RBMS3: variants seen among roughly 807,000 people sequenced by gnomAD.
RBMS3 encodes the protein RNA-binding motif, single-stranded-interacting protein 3.
In RBMS3, 27 loss-of-function variants were observed where a neutral mutation model predicts 66.8. That is an observed-to-expected ratio of 0.40 (90% CI 0.30 to 0.56). RBMS3 has a LOEUF of 0.56. Among genes scored for constraint, RBMS3 ranks in the 20% least tolerant of loss-of-function variants. RBMS3 has a pLI of 0.40. For synonymous variants in RBMS3, 188 were observed against 183.0 expected, an observed-to-expected ratio of 1.03 and a Z score of -0.22; for missense variants, 513 against 549.5, an observed-to-expected ratio of 0.93 and a Z score of 0.66.
At chr3:29,548,257 ACT>A (rs1407940186) in intron 3 of RBMS3, among the ~76,000 whole-genome samples, 1 of 151,576 alleles carries the variant, frequency 6.6e-6, no homozygotes, top group Non-Finnish European at 1.5e-5. Flanking sequence ...GAGACGCTTG[ACT>A]CTACAAAATA....
At position 29,985,292 on chromosome 3, in the gene RBMS3, G is replaced by A. The variant is rs539920557; in HGVS notation, c.1099-2851G>A. ...GCTGTGCTGGCAGCAAGAATTTCATGCCAGTGGATCTTAGCTTGCTGGGCT... is the reference window on the plus strand; with the variant it reads ...GCTGTGCTGGCAGCAAGAATTTCATACCAGTGGATCTTAGCTTGCTGGGCT... On this transcript the variant is annotated intron_variant, in intron 12 of 14. Coordinates refer to ENST00000383767, the MANE Select transcript of RBMS3 (RefSeq NM_001003793.3). Among the ~76,000 whole-genome samples the A allele has an allele frequency of 3.3e-5, 5 of 152,176 alleles. No homozygotes were observed. In the South Asian group the frequency reaches 6.2e-4, roughly 19 times the overall value.
chr3:29,825,818 C>G (rs539061622), intron 6 of RBMS3, among the ~76,000 whole-genome samples: 7 of 152,170 alleles, frequency 4.6e-5, no homozygotes, highest in Admixed American at 1.3e-4. Flanking sequence ...AGGTCATTTA[C>G]TTAGCTATTC....
At chr3:29,459,475 C>A (rs930599676) in intron 2 of RBMS3, among the ~76,000 whole-genome samples, 3 of 152,126 alleles carry the variant, frequency 2.0e-5, no homozygotes, top group Non-Finnish European at 4.4e-5. Context: ...GTTTAACATT[C>A]CATAAGGACA....
intron 1 of RBMS3, among the ~76,000 whole-genome samples, chr3:29,317,432 T>C (rs1161865453): frequency 6.6e-6 from 1 of 151,716 alleles, no homozygotes; most frequent in Non-Finnish European, 1.5e-5. Context: ...AATCTGTAGA[T>C]GAAAATCTCA....
At chr3:29,400,014 A>G (rs2039736541) in intron 1 of RBMS3, among the ~76,000 whole-genome samples, 1 of 152,106 alleles carries the variant, frequency 6.6e-6, no homozygotes, top group African/African-American at 2.4e-5. Context: ...GAGCAAAAGT[A>G]TGGTAAAGGT....
At chr3:29,840,702 G>C (rs1191595173) in intron 6 of RBMS3, among the ~76,000 whole-genome samples, 1 of 151,886 alleles carries the variant, frequency 6.6e-6, no homozygotes, top group Non-Finnish European at 1.5e-5. Context: ...TTTTATTTTT[G>C]TACCTAGACA....
At chr3:29,896,503 T>C (rs568717079) in intron 8 of RBMS3, among the ~76,000 whole-genome samples, 1 of 151,746 alleles carries the variant, frequency 6.6e-6, no homozygotes, top group East Asian at 2.0e-4. Flanking sequence ...CAACCTGGTT[T>C]TGTCTGTTCT....
At chr3:29,380,201 G>A (rs1575663074) in intron 1 of RBMS3, among the ~76,000 whole-genome samples, 1 of 131,138 alleles carries the variant, frequency 7.6e-6, no homozygotes, top group East Asian at 2.4e-4. Flanking sequence ...TAGGTATTTA[G>A]TAGGGGAATC....
intron 2 of RBMS3, among the ~76,000 whole-genome samples, chr3:29,478,814 A>G (rs897392938): frequency 6.6e-6 from 1 of 152,196 alleles, no homozygotes; most frequent in African/African-American, 2.4e-5. Flanking sequence ...AGAATGTGCT[A>G]CATATTGTGA....
intron 3 of RBMS3, among the ~76,000 whole-genome samples, chr3:29,533,167 C>T (rs1473062138): frequency 6.6e-6 from 1 of 152,176 alleles, no homozygotes; most frequent in Non-Finnish European, 1.5e-5. Flanking sequence ...TTATTTTTAA[C>T]TACTATTACC....
At chr3:29,996,777 G>A in intron 14 of RBMS3, among the ~76,000 whole-genome samples, 1 of 152,140 alleles carries the variant, frequency 6.6e-6, no homozygotes. Flanking sequence ...AGTGTGTAGA[G>A]GGAAATTTAT....
At chr3:29,502,921 C>T (rs1477656790) in intron 3 of RBMS3, among the ~76,000 whole-genome samples, 3 of 152,048 alleles carry the variant, frequency 2.0e-5, no homozygotes, top group Non-Finnish European at 4.4e-5. Flanking sequence ...AGCAAATGCT[C>T]TCTTTCATCT....
chr3:29,919,659 T>C (rs1405225397), intron 10 of RBMS3, among the ~76,000 whole-genome samples: 1 of 152,226 alleles, frequency 6.6e-6, no homozygotes, highest in Non-Finnish European at 1.5e-5. Context: ...TTTGTTTTAA[T>C]ACTTGGGATG....
intron 12 of RBMS3, among the ~76,000 whole-genome samples, chr3:29,957,311 G>A (rs1243907178): frequency 6.6e-6 from 1 of 152,014 alleles, no homozygotes; most frequent in Non-Finnish European, 1.5e-5. Context: ...TCTGGCCCAT[G>A]GTAGGTGTTT....
At chr3:29,803,976 G>A (rs2057466509) in intron 6 of RBMS3, among the ~76,000 whole-genome samples, 1 of 151,850 alleles carries the variant, frequency 6.6e-6, no homozygotes, top group East Asian at 1.9e-4. Flanking sequence ...AACTGCTTCT[G>A]ATATTTTATA....
At chr3:29,408,100 G>A (rs1057418437) in intron 1 of RBMS3, among the ~76,000 whole-genome samples, 42 of 151,502 alleles carry the variant, frequency 2.8e-4, no homozygotes, top group Admixed American at 4.6e-4. Context: ...GTGAAACCCC[G>A]TCTCTACTAA....
intron 4 of RBMS3, among the ~76,000 whole-genome samples, chr3:29,597,190 G>GT (rs1243594013): frequency 6.6e-6 from 1 of 151,830 alleles, no homozygotes; most frequent in African/African-American, 2.4e-5. Flanking sequence ...CAAAATACAT[G>GT]TTTTTTTAAA....
intron 1 of RBMS3, among the ~76,000 whole-genome samples, chr3:29,291,927 A>G (rs998813627): frequency 1.3e-5 from 2 of 151,714 alleles, no homozygotes; most frequent in Admixed American, 6.6e-5. Context: ...TTCTTATCCC[A>G]GTGTTACAGG....
chr3:29,439,139 G>C (rs1410208848), intron 2 of RBMS3, among the ~76,000 whole-genome samples: 1 of 152,174 alleles, frequency 6.6e-6, no homozygotes, highest in Non-Finnish European at 1.5e-5. Flanking sequence ...CTATAGCAGA[G>C]AGAAAGAGGT....
Sources: allele counts gnomAD v4.1 joint callset (sites outside exome capture counted in the v4.1 genomes callset), GRCh38; gene constraint gnomAD v4.1.1; transcripts MANE v1.5; gene names NCBI Gene and HGNC (gene_info 2026-07-23, HGNC 2026-07-21).